Variants in LHFPL3 observed in about 807,000 individuals in gnomAD.
LHFPL3 encodes the protein LHFPL tetraspan subfamily member 3.
Under a neutral mutation model 19.3 loss-of-function variants are expected in LHFPL3, and 5 were observed. The ratio of observed to expected loss-of-function variants is 0.26; its 90% CI spans 0.14 to 0.54. LHFPL3 has a LOEUF of 0.54. Ranked by LOEUF, LHFPL3 falls within the 20% of genes least tolerant of loss-of-function variation. The probability of loss-of-function intolerance (pLI) is 0.94; values close to 1 mark genes in which losing one functional copy is unlikely to be tolerated. For synonymous variants in LHFPL3, 133 were observed against 126.2 expected, an observed-to-expected ratio of 1.05 and a Z score of -0.36; for missense variants, 249 against 307.4, an observed-to-expected ratio of 0.81 and a Z score of 1.42.
chr7:104,346,107 C>T (rs1333240116), intron 1 of LHFPL3, among the ~76,000 whole-genome samples: 1 of 149,656 alleles, frequency 6.7e-6, no homozygotes, highest in African/African-American at 2.5e-5. Flanking sequence ...GTGATCTTGG[C>T]TCACTGCAAC....
At chr7:104,613,377 C>T (rs1239143794) in intron 1 of LHFPL3, among the ~76,000 whole-genome samples, 2 of 152,062 alleles carry the variant, frequency 1.3e-5, no homozygotes, top group African/African-American at 4.8e-5. Context: ...AACTTTATTG[C>T]CTTAAATCCT....
intron 1 of LHFPL3, among the ~76,000 whole-genome samples, chr7:104,339,122 C>G (rs1227553761): frequency 6.6e-6 from 1 of 152,102 alleles, no homozygotes; most frequent in Non-Finnish European, 1.5e-5. Flanking sequence ...ATGGCGAGTG[C>G]CTGTAATCCC....
intron 2 of LHFPL3, among the ~76,000 whole-genome samples, chr7:104,798,694 T>C (rs554794380): frequency 1.4e-5 from 2 of 141,660 alleles, no homozygotes; most frequent in Admixed American, 1.5e-4. Flanking sequence ...CTAGAAAGTC[T>C]CACGATTTTT....
In LHFPL3 at chr7:104,572,531, A is replaced by G. The variant is rs184927086; in HGVS notation, c.446-164144A>G. Among the ~76,000 whole-genome samples, 70 of 152,320 alleles carry G rather than the reference A, an allele frequency of 4.6e-4. 1 individual carries two copies. In the East Asian group the frequency reaches 0.013, roughly 29 times the overall value. On this transcript the variant is annotated intron_variant, in intron 1 of 2. Coordinates refer to ENST00000424859, the MANE Select transcript of LHFPL3 (RefSeq NM_199000.3). ...TTATTCAAGCAGTGGGAACATTCTT[A>G]ATAATAGTCAACAATTTTTATATAA... is the stretch of plus-strand genomic sequence containing the variant.
intron 1 of LHFPL3, among the ~76,000 whole-genome samples, chr7:104,515,017 A>G (rs1584372875): frequency 6.6e-6 from 1 of 152,100 alleles, no homozygotes; most frequent in Non-Finnish European, 1.5e-5. Flanking sequence ...AACCCACTAC[A>G]TTAATTTTGT....
intron 1 of LHFPL3, among the ~76,000 whole-genome samples, chr7:104,417,873 TTCTTCTTCTTC>T (rs1163116275): frequency 7.8e-6 from 1 of 128,296 alleles, no homozygotes; most frequent in African/African-American, 3.1e-5. Context: ...CTTCTTCTTC[TTCTTCTTCTTC>T]TTTTTTTTTT....
intron 1 of LHFPL3, among the ~76,000 whole-genome samples, chr7:104,579,977 C>A (rs1790425694): frequency 6.6e-6 from 1 of 152,108 alleles, no homozygotes; most frequent in South Asian, 2.1e-4. Flanking sequence ...AAATTTAGCT[C>A]TTTGTAATGG....
Position 104,644,472 on chromosome 7 carries a change from A to G in LHFPL3, c.446-92203A>G, listed in dbSNP as rs900965873. On this transcript the variant is annotated intron_variant, in intron 1 of 2. Transcript: ENST00000424859. ...ATGAAAGCCGACACAGGAAAAAGCA[A>G]GGATGCATTGGCAGCATCCATGCCC... Among the ~76,000 whole-genome samples, 34 of 152,260 alleles carry G rather than the reference A, an allele frequency of 2.2e-4. 1 individual carries two copies.
At chr7:104,540,179 G>A (rs1357974735) in intron 1 of LHFPL3, among the ~76,000 whole-genome samples, 4 of 152,038 alleles carry the variant, frequency 2.6e-5, no homozygotes, top group East Asian at 1.9e-4. Flanking sequence ...GAAATTATAC[G>A]CTGTGATAGG....
chr7:104,624,266 C>A (rs1791504031), intron 1 of LHFPL3, among the ~76,000 whole-genome samples: 1 of 152,162 alleles, frequency 6.6e-6, no homozygotes, highest in African/African-American at 2.4e-5. Flanking sequence ...AGAGCTGTAG[C>A]CATGCCCAGA....
At position 104,332,946 on chromosome 7, in the gene LHFPL3, GAAA is replaced by G. The variant is rs3080461; in HGVS notation, c.445+3733_445+3735del. ...TGTAGAAAGGCAATTTCTTCAGAAG[GAAA>G]AAAAAAAAAAGAGGCTTTCTGTGTG... On this transcript the variant is annotated intron_variant, in intron 1 of 2. Coordinates refer to ENST00000424859, the MANE Select transcript of LHFPL3 (RefSeq NM_199000.3). Among the ~76,000 whole-genome samples, 80 of 148,434 alleles carry G rather than the reference GAAA, an allele frequency of 5.4e-4. No individual in the cohort carries two copies. In the East Asian group the frequency reaches 6.1e-3, roughly 11 times the overall value.
chr7:104,512,463 G>A (rs998718474), intron 1 of LHFPL3, among the ~76,000 whole-genome samples: 10 of 151,958 alleles, frequency 6.6e-5, no homozygotes, highest in Admixed American at 4.6e-4. Flanking sequence ...ACACATGAGC[G>A]TGGTGGCTCA....
chr7:104,700,371 C>T (rs2116171365), intron 1 of LHFPL3, among the ~76,000 whole-genome samples: 1 of 152,308 alleles, frequency 6.6e-6, no homozygotes, highest in African/African-American at 2.4e-5. Flanking sequence ...CCACTGTGTT[C>T]TTGAGAAATC....
chr7:104,411,775 G>A (rs368753235), intron 1 of LHFPL3, among the ~76,000 whole-genome samples: 3 of 152,036 alleles, frequency 2.0e-5, no homozygotes, highest in Admixed American at 1.3e-4. Flanking sequence ...AAATATGTTC[G>A]CTTTAGAAGT....
At chr7:104,336,409 A>T (rs919840946) in intron 1 of LHFPL3, among the ~76,000 whole-genome samples, 7 of 152,092 alleles carry the variant, frequency 4.6e-5, no homozygotes, top group Non-Finnish European at 8.8e-5. Flanking sequence ...CTACAGTTCT[A>T]TGATATGCCC....
Position 104,399,240 on chromosome 7 carries a change from C to G in LHFPL3, c.445+70016C>G, listed in dbSNP as rs1178981850. The stretch of plus-strand genomic sequence containing the variant: ...CGTAGGTTTCCAGCTGGACAAGGCC[C>G]TGGTGCAGATTTAGGGTGCTAGAAT... On this transcript the variant is annotated intron_variant, in intron 1 of 2. Transcript: ENST00000424859. The surrounding 1 kb of genome is among the most constrained non-coding windows in gnomAD (Gnocchi z 4.4). Among the ~76,000 whole-genome samples, 3 of 152,214 alleles carry G rather than the reference C, an allele frequency of 2.0e-5. No individual in the cohort carries two copies. In the East Asian group the frequency reaches 5.8e-4, roughly 29 times the overall value.
At chr7:104,625,215 T>C (rs1791519999) in intron 1 of LHFPL3, among the ~76,000 whole-genome samples, 2 of 152,230 alleles carry the variant, frequency 1.3e-5, no homozygotes, top group East Asian at 1.9e-4. Context: ...ACATTGAACA[T>C]GTTGTCCTCC....
At chr7:104,430,654 G>C (rs1025066560) in intron 1 of LHFPL3, among the ~76,000 whole-genome samples, 4 of 149,644 alleles carry the variant, frequency 2.7e-5, no homozygotes. Context: ...ATTTTTAGTA[G>C]AGACGGGATT....
intron 1 of LHFPL3, among the ~76,000 whole-genome samples, chr7:104,678,052 A>G (rs1048048611): frequency 6.6e-6 from 1 of 152,226 alleles, no homozygotes; most frequent in Non-Finnish European, 1.5e-5. Context: ...GCCCCACTGA[A>G]TTTAGGATCC....
Sources: gnomAD v4.1 joint callset for allele counts (sites outside exome capture counted in the v4.1 genomes callset) on GRCh38, gnomAD v4.1.1 for gene constraint, Gnocchi (gnomAD v3.1) non-coding constraint, MANE v1.5 for transcripts, NCBI Gene and HGNC (gene_info 2026-07-23, HGNC 2026-07-21) for gene names.